GHR: variants seen among roughly 807,000 people sequenced by gnomAD.
GHR encodes GH receptor.
A neutral mutation model predicts 67.1 loss-of-function variants in GHR; 35 were observed. The ratio of observed to expected loss-of-function variants is 0.52; its 90% CI spans 0.40 to 0.69. The LOEUF is 0.69. Ranked by LOEUF, GHR falls within the 30% of genes least tolerant of loss-of-function variation. The pLI is 0.00. For missense variants in GHR, 792 were observed against 764.6 expected (o/e 1.04, Z -0.42); for synonymous variants, 272 against 269.1 (o/e 1.01, Z -0.10).
In GHR at chr5:42,719,070, C is replaced by G; in HGVS notation, c.1563C>G (p.Val521=). 1 of 1,612,450 alleles carries G rather than the reference C, an allele frequency of 6.2e-7. No homozygotes were observed. Among genetic ancestry groups the G allele is most frequent in the Non-Finnish European group, 8.5e-7 (1 of 1,178,682 alleles). ...AATGTGACATGCACCCGGAAATGGT[C>G]TCACTCTGCCAAGAAAACTTCCTTA... is the stretch of plus-strand genomic sequence containing the variant. ...MSQCDMHPEM[V]SLCQENFLMD... The change falls in exon 10 of 10, where the codon GTC becomes GTG. Residue 521 remains valine, a synonymous_variant. Coordinates refer to ENST00000230882, the MANE Select transcript of GHR (RefSeq NM_000163.5).
chr5:42,576,439 A>G (rs893233029), intron 2 of GHR, among the ~76,000 whole-genome samples: 2 of 152,170 alleles, frequency 1.3e-5, no homozygotes, highest in Non-Finnish European at 2.9e-5. Flanking sequence ...ATTATTATAT[A>G]TAATTCCTAT....
chr5:42,659,765 T>C (rs1012897373), intron 3 of GHR, among the ~76,000 whole-genome samples: 2 of 152,086 alleles, frequency 1.3e-5, no homozygotes, highest in African/African-American at 4.8e-5. Flanking sequence ...CCCGGGACAG[T>C]GGGTGCAGCA....
At chr5:42,557,363 T>C (rs1229070068) in intron 1 of GHR, among the ~76,000 whole-genome samples, 3 of 152,164 alleles carry the variant, frequency 2.0e-5, no homozygotes, top group Non-Finnish European at 4.4e-5. Flanking sequence ...ACCACATGCC[T>C]AGATGTCCTC....
chr5:42,433,212 G>A (rs1278921418), intron 1 of GHR, among the ~76,000 whole-genome samples: 1 of 151,762 alleles, frequency 6.6e-6, no homozygotes, highest in Non-Finnish European at 1.5e-5. Flanking sequence ...TTATTATGGA[G>A]CATGACATTT....
At chr5:42,656,717 C>G (rs752427182) in intron 3 of GHR, among the ~76,000 whole-genome samples, 10 of 152,162 alleles carry the variant, frequency 6.6e-5, no homozygotes, top group Non-Finnish European at 1.2e-4. Context: ...ATGCCTTCTT[C>G]AAGAATGTTT....
At chr5:42,531,478 CTT>C (rs68103582) in intron 1 of GHR, among the ~76,000 whole-genome samples, 27 of 146,788 alleles carry the variant, frequency 1.8e-4, no homozygotes, top group East Asian at 8.1e-4. Flanking sequence ...TGACCATAGA[CTT>C]TTTTTTTTTT....
chr5:42,442,055 G>A (rs1743602597), intron 1 of GHR, among the ~76,000 whole-genome samples: 1 of 152,192 alleles, frequency 6.6e-6, no homozygotes, highest in African/African-American at 2.4e-5. Context: ...TGCAGATGCA[G>A]AGGTGTGTTT....
At chr5:42,550,503 A>C (rs550908760) in intron 1 of GHR, among the ~76,000 whole-genome samples, 2 of 152,304 alleles carry the variant, frequency 1.3e-5, no homozygotes, top group South Asian at 4.1e-4. Flanking sequence ...GTTGTGTCTT[A>C]AGGAATCTAA....
rs151063355 is a variant in GHR at position 42,510,679 on chromosome 5, T to G, written c.-11-55185T>G. On this transcript the variant is annotated intron_variant, in intron 1 of 9. Transcript: ENST00000230882. ...TGACTGAAGGCGACTCAAGGAATAT[T>G]AAAAATGCACAAAAACAGTAGCATG... Among the ~76,000 whole-genome samples the G allele has an allele frequency of 2.9e-3, 439 of 152,224 alleles. 2 individuals are homozygous for G. The highest frequency in any genetic ancestry group is 0.01 in the African/African-American group (426 of 41,544).
intron 1 of GHR, among the ~76,000 whole-genome samples, chr5:42,482,426 A>C (rs1745685652): frequency 6.6e-6 from 1 of 152,170 alleles, no homozygotes; most frequent in South Asian, 2.1e-4. Context: ...AGGTACATTT[A>C]AGTCTGCAGA....
At chr5:42,440,152 A>G (rs973609437) in intron 1 of GHR, among the ~76,000 whole-genome samples, 1 of 152,258 alleles carries the variant, frequency 6.6e-6, no homozygotes, top group African/African-American at 2.4e-5. Context: ...CCAGTGGAGC[A>G]CTGGACTAGG....
intron 3 of GHR, among the ~76,000 whole-genome samples, chr5:42,686,066 T>A (rs1266640671): frequency 6.6e-6 from 1 of 152,236 alleles, no homozygotes. Flanking sequence ...AGGGTTTTTA[T>A]GGTTTTGGGT....
chr5:42,440,772 A>G (rs1743532001), intron 1 of GHR, among the ~76,000 whole-genome samples: 1 of 152,174 alleles, frequency 6.6e-6, no homozygotes, highest in South Asian at 2.1e-4. Context: ...GATTGAAAGG[A>G]GTTAATAGAT....
At chr5:42,703,284 A>G (rs1478673470) in intron 6 of GHR, among the ~76,000 whole-genome samples, 1 of 151,944 alleles carries the variant, frequency 6.6e-6, no homozygotes, top group African/African-American at 2.4e-5. Flanking sequence ...TGGATGTCCA[A>G]TTTTCCCAAC....
chr5:42,576,317 A>G (rs1204684378), intron 2 of GHR, among the ~76,000 whole-genome samples: 1 of 152,000 alleles, frequency 6.6e-6, no homozygotes, highest in Non-Finnish European at 1.5e-5. Context: ...TAACACAAGT[A>G]AAGCATGTAT....
chr5:42,470,677 G>A (rs1393370718), intron 1 of GHR, among the ~76,000 whole-genome samples: 1 of 151,882 alleles, frequency 6.6e-6, no homozygotes, highest in Non-Finnish European at 1.5e-5. Flanking sequence ...TTAGTTTGCC[G>A]CAGCCCCTAG....
At chr5:42,660,870 G>T (rs1339963145) in intron 3 of GHR, among the ~76,000 whole-genome samples, 1 of 152,176 alleles carries the variant, frequency 6.6e-6, no homozygotes, top group Non-Finnish European at 1.5e-5. Context: ...AAAAAATTTA[G>T]AAGAATGTAT....
chr5:42,441,630 C>T (rs1244788701), intron 1 of GHR, among the ~76,000 whole-genome samples: 10 of 152,112 alleles, frequency 6.6e-5, no homozygotes, highest in Admixed American at 6.5e-5. Context: ...CTGCCTCAGC[C>T]TCCTGAGTAG....
chr5:42,424,485 AC>A lies in GHR; in HGVS notation c.-12+531del. The A allele has an allele frequency of 1.0e-6, 1 of 965,112 alleles. No homozygotes were observed. The highest frequency in any genetic ancestry group is 1.4e-5 in the South Asian group (1 of 72,478). 59.8% of individuals were successfully genotyped at this position (965,112 alleles called of 1,614,324 possible). A position where few individuals can be genotyped will look rare whatever the true frequency, so the allele number is the denominator to read the frequency against. On this transcript the variant is annotated intron_variant, in intron 1 of 9. Coordinates refer to ENST00000230882, the MANE Select transcript of GHR (RefSeq NM_000163.5). The surrounding 1 kb of genome is among the most constrained non-coding windows in gnomAD (Gnocchi z 4.1). ...TGGGGAGGTCGAGCTGTGCGCGTGG[AC>A]ACAGCGCGCAGAGCGCGCGGTCTTT... is the stretch of plus-strand genomic sequence containing the variant.
Sources: gnomAD v4.1 joint callset for allele counts (sites outside exome capture counted in the v4.1 genomes callset) on GRCh38, gnomAD v4.1.1 for gene constraint, Gnocchi (gnomAD v3.1) non-coding constraint, MANE v1.5 for transcripts, NCBI Gene and HGNC (gene_info 2026-07-23, HGNC 2026-07-21) for gene names.